Variants in SORCS2 observed in about 807,000 individuals in gnomAD.
SORCS2 encodes the protein sortilin related VPS10 domain containing receptor 2.
Under a neutral mutation model 141.6 loss-of-function variants are expected in SORCS2, and 100 were observed. That is an observed-to-expected ratio of 0.71 (90% CI 0.60 to 0.83). The LOEUF (loss-of-function observed/expected upper bound fraction) is 0.83, where lower values mean the gene tolerates loss of function less well. Among genes scored for constraint, SORCS2 ranks in the 40% least tolerant of loss-of-function variants. The pLI is 0.00. For synonymous variants in SORCS2, 789 were observed against 676.9 expected, an observed-to-expected ratio of 1.17 and a Z score of -2.57; for missense variants, 1,646 against 1,560.2, an observed-to-expected ratio of 1.05 and a Z score of -0.93.
At chr4:7,321,214 G>C (rs113889129) in intron 1 of SORCS2, among the ~76,000 whole-genome samples, 6 of 152,142 alleles carry the variant, frequency 3.9e-5, no homozygotes. Flanking sequence ...CTGTTCCTAA[G>C]TTACTTCACT....
intron 1 of SORCS2, among the ~76,000 whole-genome samples, chr4:7,360,707 C>T (rs1414466873): frequency 6.0e-5 from 9 of 150,672 alleles, no homozygotes; most frequent in East Asian, 2.0e-4. Flanking sequence ...CTCAGCCTCC[C>T]GAGTAGCTGG....
intron 3 of SORCS2, among the ~76,000 whole-genome samples, chr4:7,621,519 GTGTGTGTCTA>G (rs1719186601): frequency 6.6e-6 from 1 of 151,548 alleles, no homozygotes; most frequent in Non-Finnish European, 1.5e-5. Flanking sequence ...GTATGTTTAT[GTGTGTGTCTA>G]TGTGTGAGTA....
At chr4:7,701,999 ACGAAGTTGCTGCAT>A (rs949012924) in intron 12 of SORCS2, among the ~76,000 whole-genome samples, 2 of 77,676 alleles carry the variant, frequency 2.6e-5, no homozygotes, top group African/African-American at 8.7e-5. Context: ...CCCACATGGC[ACGAAGTTGCTGCAT>A]GCTTGTTCCT....
intron 3 of SORCS2, among the ~76,000 whole-genome samples, chr4:7,633,104 G>A (rs1720002861): frequency 6.6e-6 from 1 of 152,224 alleles, no homozygotes; most frequent in Admixed American, 6.5e-5. Flanking sequence ...ATCACACATG[G>A]ATTTTGTGTC....
Position 7,648,482 on chromosome 4 carries a change from G to A in SORCS2, c.814-5652G>A, listed in dbSNP as rs1437464983. Among the ~76,000 whole-genome samples, 5 of 152,154 alleles carry A rather than the reference G, an allele frequency of 3.3e-5. No individual in the cohort carries two copies. Among genetic ancestry groups the A allele is most frequent in the African/African-American group, 7.2e-5 (3 of 41,416 alleles). On this transcript the variant is annotated intron_variant, in intron 4 of 26. Transcript: ENST00000507866. The surrounding 1 kb of genome is among the most constrained non-coding windows in gnomAD (Gnocchi z 4.2). ...CTCAGCCCCCGCCTTCCTCTGCCTG[G>A]GAGTATTTATAGAGGGCCTTCTAGG...
chr4:7,737,207 G>A (rs1196877362), intron 26 of SORCS2, 35 bp downstream of exon 26: 1 of 1,549,968 alleles, frequency 6.5e-7, no homozygotes. Context: ...TCGACTCGCA[G>A]ACTCTAGGTA....
At chr4:7,351,341 C>T (rs1720928270) in intron 1 of SORCS2, among the ~76,000 whole-genome samples, 2 of 152,178 alleles carry the variant, frequency 1.3e-5, no homozygotes, top group African/African-American at 4.8e-5. Flanking sequence ...CTGCCACAGC[C>T]TTTCTCCCTC....
At chr4:7,586,924 T>A (rs768019934) in intron 3 of SORCS2, among the ~76,000 whole-genome samples, 13 of 152,064 alleles carry the variant, frequency 8.5e-5, no homozygotes, top group Admixed American at 2.6e-4. Flanking sequence ...ACTGAGTCTT[T>A]GGGTTAGCAT....
At chr4:7,433,268 A>G in intron 2 of SORCS2, 1 of 1,337,712 alleles carries the variant, frequency 7.5e-7, no homozygotes, top group South Asian at 2.5e-5. Flanking sequence ...GAAAGCACCC[A>G]CCTCATGGGC....
chr4:7,304,835 TCTC>T (rs1315251317), intron 1 of SORCS2, among the ~76,000 whole-genome samples: 3 of 152,180 alleles, frequency 2.0e-5, no homozygotes, highest in African/African-American at 7.2e-5. Context: ...TGCTCCCTCT[TCTC>T]CTTCCTAAGA....
intron 2 of SORCS2, among the ~76,000 whole-genome samples, chr4:7,444,492 C>G (rs959485107): frequency 6.6e-6 from 1 of 152,198 alleles, no homozygotes; most frequent in African/African-American, 2.4e-5. Flanking sequence ...CAAGGCCAGC[C>G]TGTGCAAAGG....
intron 3 of SORCS2, among the ~76,000 whole-genome samples, chr4:7,562,576 T>C (rs1157188553): frequency 6.6e-6 from 1 of 152,202 alleles, no homozygotes; most frequent in Non-Finnish European, 1.5e-5. Flanking sequence ...TTTTGTTTCA[T>C]TTTGGTTGGT....
At chr4:7,682,953 T>G in intron 10 of SORCS2, 64 bp downstream of exon 10, 1 of 1,554,576 alleles carries the variant, frequency 6.4e-7, no homozygotes, top group African/African-American at 1.4e-5. Flanking sequence ...ACTTCAGTAA[T>G]CAAGAAGGTC....
chr4:7,526,798 C>G (rs1017872282), intron 2 of SORCS2, among the ~76,000 whole-genome samples: 2 of 152,160 alleles, frequency 1.3e-5, no homozygotes, highest in African/African-American at 2.4e-5. Context: ...TGCTGTGAAC[C>G]TAAAACTGCT....
chr4:7,732,145 A>T (rs1320483627), intron 23 of SORCS2, among the ~76,000 whole-genome samples: 1 of 152,258 alleles, frequency 6.6e-6, no homozygotes, highest in African/African-American at 2.4e-5. Flanking sequence ...AGCCAAGTAG[A>T]CATTTCTCAA....
At chr4:7,692,698 G>T (rs1361985950) in intron 11 of SORCS2, among the ~76,000 whole-genome samples, 1 of 152,184 alleles carries the variant, frequency 6.6e-6, no homozygotes, top group African/African-American at 2.4e-5. Context: ...TGGTCCAGAG[G>T]GACACAGGGT....
intron 1 of SORCS2, among the ~76,000 whole-genome samples, chr4:7,254,936 G>A (rs1475540992): frequency 1.3e-5 from 2 of 152,082 alleles, no homozygotes; most frequent in Non-Finnish European, 2.9e-5. Context: ...CAGGGCATCC[G>A]ATGCTACATC....
chr4:7,668,653 GA>G (rs1040169270), intron 8 of SORCS2, among the ~76,000 whole-genome samples: 1 of 152,112 alleles, frequency 6.6e-6, no homozygotes, highest in Non-Finnish European at 1.5e-5. Flanking sequence ...AAAATAAAAG[GA>G]AAAAAGGAGT....
chr4:7,592,374 C>A (rs1045565400), intron 3 of SORCS2, among the ~76,000 whole-genome samples: 1 of 152,164 alleles, frequency 6.6e-6, no homozygotes, highest in Non-Finnish European at 1.5e-5. Flanking sequence ...AGGCTCTGAG[C>A]GTTGGTGTCC....
Sources: gnomAD v4.1 joint callset for allele counts (sites outside exome capture counted in the v4.1 genomes callset) on GRCh38, gnomAD v4.1.1 for gene constraint, Gnocchi (gnomAD v3.1) non-coding constraint, MANE v1.5 for transcripts, NCBI Gene and HGNC (gene_info 2026-07-23, HGNC 2026-07-21) for gene names.